FAM114A1: variants seen among roughly 807,000 people sequenced by gnomAD.
FAM114A1 encodes protein NOXP20.
In FAM114A1, 62 loss-of-function variants were observed where a neutral mutation model predicts 64.3. The ratio of observed to expected loss-of-function variants is 0.96; its 90% CI spans 0.79 to 1.19. The LOEUF is 1.19. FAM114A1 is among the 50% of genes most tolerant of loss of function. The probability of loss-of-function intolerance (pLI) is 0.00; values close to 1 mark genes in which losing one functional copy is unlikely to be tolerated. For missense variants in FAM114A1, 645 were observed against 676.3 expected, an observed-to-expected ratio of 0.95 and a Z score of 0.51; for synonymous variants, 254 against 251.1, an observed-to-expected ratio of 1.01 and a Z score of -0.11.
chr4:38,871,310 TG>T (rs1268899933), intron 2 of FAM114A1, among the ~76,000 whole-genome samples: 6 of 152,016 alleles, frequency 3.9e-5, no homozygotes, highest in Non-Finnish European at 8.8e-5. Context: ...CAGGCTGGTC[TG>T]GAACTCCTGG....
chr4:38,924,524 T>C (rs1185654594), intron 9 of FAM114A1, among the ~76,000 whole-genome samples: 2 of 152,230 alleles, frequency 1.3e-5, no homozygotes, highest in African/African-American at 4.8e-5. Context: ...AACTGTCATT[T>C]AGACACCCTT....
At chr4:38,881,201 C>CAA (rs34293468) in intron 3 of FAM114A1, among the ~76,000 whole-genome samples, 5,393 of 137,002 alleles carry the variant, frequency 0.039, 250 homozygotes, top group Admixed American at 0.1. Flanking sequence ...GACTCTGTCT[C>CAA]AAAAAAAAAA....
intron 2 of FAM114A1, among the ~76,000 whole-genome samples, chr4:38,871,366 T>TG (rs1714065073): frequency 6.6e-6 from 1 of 152,058 alleles, no homozygotes; most frequent in African/African-American, 2.4e-5. Flanking sequence ...TGCTGGGATG[T>TG]GAGCCACTAT....
chr4:38,928,251 G>C (rs1720326717), intron 9 of FAM114A1, among the ~76,000 whole-genome samples: 1 of 152,168 alleles, frequency 6.6e-6, no homozygotes, highest in African/African-American at 2.4e-5. Flanking sequence ...TTTCTTCTTA[G>C]AGAGTTCTGA....
Position 38,904,709 on chromosome 4 carries a change from G to A in FAM114A1, c.437-813G>A, listed in dbSNP as rs533868364. On this transcript the variant is annotated intron_variant, in intron 4 of 14. Coordinates refer to ENST00000358869, the MANE Select transcript of FAM114A1 (RefSeq NM_138389.4). ...TAATGCTTTAAAGAAACATTCTGAG[G>A]CTCAGGTGATTTCAATCCAACCAAT... Among the ~76,000 whole-genome samples the A allele has an allele frequency of 2.0e-5, 3 of 152,288 alleles. No individual in the cohort carries two copies. In the South Asian group the frequency reaches 6.2e-4, roughly 32 times the overall value.
chr4:38,904,943 G>A (rs1006635585), intron 4 of FAM114A1, among the ~76,000 whole-genome samples: 4 of 152,148 alleles, frequency 2.6e-5, no homozygotes, highest in African/African-American at 9.7e-5. Flanking sequence ...CTTTACCTAC[G>A]TGTATCTCAT....
chr4:38,868,064 T>G (rs1302821141), intron 1 of FAM114A1: 1 of 412,390 alleles, frequency 2.4e-6, no homozygotes, highest in South Asian at 1.7e-5. Flanking sequence ...TGTGAGTGTG[T>G]GTGTGTGAGT....
chr4:38,877,730 CA>C (rs1423740825), intron 2 of FAM114A1, among the ~76,000 whole-genome samples: 3 of 152,108 alleles, frequency 2.0e-5, no homozygotes, highest in Non-Finnish European at 4.4e-5. Context: ...TTCGGGAGGC[CA>C]AGGTGGGTGG....
chr4:38,939,264 A>T (rs904437578), intron 13 of FAM114A1, among the ~76,000 whole-genome samples: 4 of 152,234 alleles, frequency 2.6e-5, no homozygotes, highest in African/African-American at 9.6e-5. Context: ...AAAAACCTGA[A>T]TCTAAAATAG....
chr4:38,913,234 G>C (rs564564995), intron 7 of FAM114A1, among the ~76,000 whole-genome samples: 35 of 152,230 alleles, frequency 2.3e-4, no homozygotes, highest in African/African-American at 8.2e-4. Flanking sequence ...AATCAAAAAC[G>C]CAAGTGCAGA....
At chr4:38,881,110 G>C (rs1377608857) in intron 3 of FAM114A1, among the ~76,000 whole-genome samples, 1 of 151,932 alleles carries the variant, frequency 6.6e-6, no homozygotes, top group Non-Finnish European at 1.5e-5. Context: ...TCTTGAACCT[G>C]GGAGGTGAAG....
rs752585649 is a variant in FAM114A1 at position 38,940,990 on chromosome 4, T to G, written c.1559T>G (p.Leu520Arg). Reference sequence around the variant, plus strand: ...CAGAGCAACAAGAAGGCCGAGGTCCTTAACCCCATGATCAGTAGTGTATTG... The same window carrying G: ...CAGAGCAACAAGAAGGCCGAGGTCCGTAACCCCATGATCAGTAGTGTATTG... ...TVGSNKKAEV[L>R]NPMISSVLLE... Residue 520 changes from leucine to arginine, a missense_variant, in exon 14 of 15, where the codon CTT (leucine) becomes CGT (arginine). Leu to Arg is a moderately radical substitution (Grantham distance 102). Coordinates refer to ENST00000358869, the MANE Select transcript of FAM114A1 (RefSeq NM_138389.4). 1.9e-6 allele frequency: 3 copies of G among 1,614,122 alleles called. No individual in the cohort carries two copies. The South Asian group carries it at 3.3e-5, about 18-fold the overall frequency.
intron 3 of FAM114A1, among the ~76,000 whole-genome samples, chr4:38,887,605 T>G (rs1378241583): frequency 3.3e-5 from 5 of 152,210 alleles, no homozygotes; most frequent in African/African-American, 1.2e-4. Context: ...TGATTGATTT[T>G]CAAAAACTGT....
At chr4:38,903,069 C>T (rs1717663010) in intron 4 of FAM114A1, among the ~76,000 whole-genome samples, 1 of 151,454 alleles carries the variant, frequency 6.6e-6, no homozygotes, top group African/African-American at 2.4e-5. Context: ...TGGTAGAATG[C>T]AGTAAAAGGG....
chr4:38,868,060 T>G (rs1226184937), intron 1 of FAM114A1: 2 of 389,940 alleles, frequency 5.1e-6, no homozygotes, highest in Admixed American at 2.7e-5. Context: ...GGCGTGTGAG[T>G]GTGTGTGTGT....
rs200095204 is a variant in FAM114A1, at chr4:38,936,088, TG to T, written c.1536+299del. On this transcript the variant is annotated intron_variant, in intron 13 of 14. Transcript: ENST00000358869. ...TTGTTTGTTTGTTTGATTTTTGTTT[TG>T]TTTTTTTTGTTTTTTTTTTTTGAGA... Among the ~76,000 whole-genome samples, 997 of 149,226 alleles carry T rather than the reference TG, an allele frequency of 6.7e-3. 18 individuals carry two copies. The highest frequency in any genetic ancestry group is 0.024 in the African/African-American group (919 of 38,980).
rs534951006 is a variant in FAM114A1, at chr4:38,945,687, G to T, written c.*2130G>T. The T allele has an allele frequency of 6.6e-6, 1 of 152,076 alleles. No homozygotes were observed. Among genetic ancestry groups the T allele is most frequent in the African/African-American group, 2.4e-5 (1 of 41,392 alleles). The allele number at this position is 152,076 out of a possible 1,614,324, so 9.4% of individuals were successfully genotyped here. ...AATAGAGAACATAAGAACACTTTATGTACAATCTGGAAAAAAATTACCTGA... is the reference window on the plus strand; with the variant it reads ...AATAGAGAACATAAGAACACTTTATTTACAATCTGGAAAAAAATTACCTGA... On this transcript the variant is annotated 3_prime_UTR_variant, in exon 15 of 15. Coordinates refer to ENST00000358869, the MANE Select transcript of FAM114A1 (RefSeq NM_138389.4).
At chr4:38,883,332 T>G (rs1172423582) in intron 3 of FAM114A1, among the ~76,000 whole-genome samples, 2 of 152,238 alleles carry the variant, frequency 1.3e-5, no homozygotes, top group Admixed American at 6.5e-5. Flanking sequence ...TCAGCCTCAA[T>G]TCAAAGATGT....
intron 3 of FAM114A1, 85 bp downstream of exon 3, chr4:38,878,511 G>T: frequency 8.0e-7 from 1 of 1,243,430 alleles, no homozygotes. Flanking sequence ...CTCTGTGGGT[G>T]GGAATTGGGA....
Sources: allele counts gnomAD v4.1 joint callset (sites outside exome capture counted in the v4.1 genomes callset), GRCh38; gene constraint gnomAD v4.1.1; transcripts MANE v1.5; gene names NCBI Gene and HGNC (gene_info 2026-07-23, HGNC 2026-07-21).